The following DLGAP4 variants were observed in gnomAD, a reference collection of about 807,000 sequenced individuals.
DLGAP4 encodes disks large-associated protein 4.
Under a neutral mutation model 86.9 loss-of-function variants are expected in DLGAP4, and 18 were observed. That is an observed-to-expected ratio of 0.21 (90% CI 0.14 to 0.31). The LOEUF (loss-of-function observed/expected upper bound fraction) is 0.31, where lower values mean the gene tolerates loss of function less well. Ranked by LOEUF, DLGAP4 falls within the 10% of genes least tolerant of loss-of-function variation. DLGAP4 has a pLI of 1.00. For synonymous variants in DLGAP4, 548 were observed against 574.3 expected (o/e 0.95, Z 0.65); for missense variants, 1,085 against 1,362.6 (o/e 0.80, Z 3.21).
Position 36,431,864 on chromosome 20 carries a change from G to A in DLGAP4, c.147G>A (p.Gln49=). The A allele has an allele frequency of 6.2e-7, 1 of 1,614,096 alleles. No homozygotes were observed. Among genetic ancestry groups the A allele is most frequent in the Non-Finnish European group, 8.5e-7 (1 of 1,179,986 alleles). ...CCCGCGAGGCCCGCTTCCCCGGGCA[G>A]AACACCCTGCCAGGAGATGGCCTCT... is the stretch of plus-strand genomic sequence containing the variant. ...AFAREARFPG[Q]NTLPGDGLFP... The change falls in exon 3 of 13, where the codon CAG becomes CAA. Residue 49 remains glutamine (Q), a synonymous_variant. Coordinates refer to ENST00000339266, the MANE Select transcript of DLGAP4 (RefSeq NM_001365621.2). This position sits in a 1 kb window ranked among gnomAD's most constrained non-coding sequence, Gnocchi z 5.1.
chr20:36,321,368 G>A (rs1303534927), intron 1 of DLGAP4, among the ~76,000 whole-genome samples: 3 of 152,262 alleles, frequency 2.0e-5, no homozygotes, highest in African/African-American at 7.2e-5. Context: ...CAGGCTGAGG[G>A]CCTCGGCTGC....
At chr20:36,430,824 A>G (rs1158933413) in intron 2 of DLGAP4, among the ~76,000 whole-genome samples, 4 of 151,868 alleles carry the variant, frequency 2.6e-5, no homozygotes, top group Admixed American at 2.0e-4. Flanking sequence ...GTGTGGTGGC[A>G]TGCATCTGTA....
intron 1 of DLGAP4, among the ~76,000 whole-genome samples, chr20:36,319,677 G>A (rs1360040724): frequency 6.6e-6 from 1 of 152,164 alleles, no homozygotes; most frequent in Non-Finnish European, 1.5e-5. Flanking sequence ...GTGGAGCGGG[G>A]ACTGGATCAC....
chr20:36,316,395 T>C (rs1485180700), intron 1 of DLGAP4, among the ~76,000 whole-genome samples: 1 of 152,060 alleles, frequency 6.6e-6, no homozygotes, highest in East Asian at 1.9e-4. Context: ...GTCCTCTGGC[T>C]TTCCTGCCTT....
At chr20:36,512,986 C>T (rs1389058191) in intron 10 of DLGAP4, among the ~76,000 whole-genome samples, 4 of 104,108 alleles carry the variant, frequency 3.8e-5, no homozygotes, top group Admixed American at 2.9e-4. Flanking sequence ...GGGTCTCACT[C>T]TTTCACCCAG....
At chr20:36,409,344 A>AT (rs1379270484) in intron 2 of DLGAP4, among the ~76,000 whole-genome samples, 4 of 148,608 alleles carry the variant, frequency 2.7e-5, no homozygotes, top group East Asian at 2.0e-4. Flanking sequence ...TAAAAGACTT[A>AT]TTTTTTTCAT....
intron 6 of DLGAP4, among the ~76,000 whole-genome samples, chr20:36,445,021 A>G (rs1254742740): frequency 6.6e-6 from 1 of 152,110 alleles, no homozygotes; most frequent in Non-Finnish European, 1.5e-5. Context: ...CAGTGTCACA[A>G]TCATAGTTCA....
intron 2 of DLGAP4, among the ~76,000 whole-genome samples, chr20:36,420,066 A>G (rs1245787634): frequency 6.6e-6 from 1 of 152,194 alleles, no homozygotes; most frequent in Non-Finnish European, 1.5e-5. Context: ...GATCACACAC[A>G]GCTCTCCCCA....
intron 7 of DLGAP4, among the ~76,000 whole-genome samples, chr20:36,471,169 G>A (rs1255328981): frequency 6.6e-6 from 1 of 152,152 alleles, no homozygotes; most frequent in Non-Finnish European, 1.5e-5. Context: ...GCTTAGCAAC[G>A]GTGAAGCCAG....
intron 7 of DLGAP4, among the ~76,000 whole-genome samples, chr20:36,469,822 G>A (rs1029246732): frequency 3.3e-5 from 5 of 151,994 alleles, no homozygotes; most frequent in African/African-American, 1.2e-4. Flanking sequence ...GGTGAGGAAG[G>A]GCATCTCAGC....
At position 36,453,075 on chromosome 20, in the gene DLGAP4, T is replaced by C. The variant is rs528200679; in HGVS notation, c.1648+6138T>C. On this transcript the variant is annotated intron_variant, in intron 7 of 12. Transcript: ENST00000339266. ...CTCAAACTCCTGACCTCAAGTGATATGCCTGCCCTGGCCTCCCAAAGTGCT... is the reference window on the plus strand; with the variant it reads ...CTCAAACTCCTGACCTCAAGTGATACGCCTGCCCTGGCCTCCCAAAGTGCT... Among the ~76,000 whole-genome samples the C allele has an allele frequency of 2.0e-5, 3 of 152,156 alleles. No individual in the cohort carries two copies. In the East Asian group the frequency reaches 5.8e-4, roughly 30 times the overall value.
chr20:36,333,842 T>G (rs1333485967), intron 1 of DLGAP4, among the ~76,000 whole-genome samples: 1 of 152,118 alleles, frequency 6.6e-6, no homozygotes, highest in Non-Finnish European at 1.5e-5. Flanking sequence ...GGTGAAAACA[T>G]AGATAATTTT....
intron 1 of DLGAP4, among the ~76,000 whole-genome samples, chr20:36,361,206 C>G (rs2030507983): frequency 6.6e-6 from 1 of 152,074 alleles, no homozygotes; most frequent in African/African-American, 2.4e-5. Flanking sequence ...AAGAAGCCCC[C>G]AGGGCATGAG....
intron 1 of DLGAP4, among the ~76,000 whole-genome samples, chr20:36,346,952 A>G (rs1463357650): frequency 6.6e-6 from 1 of 152,098 alleles, no homozygotes; most frequent in Non-Finnish European, 1.5e-5. Flanking sequence ...GGTGGTGGAA[A>G]CTTGGGCAGC....
rs1569483584 is a variant in DLGAP4, at chr20:36,393,626, C to T, written c.-73+26351C>T. 6.6e-6 allele frequency among the ~76,000 whole-genome samples: 1 copy of T among 152,092 alleles called. No homozygotes were observed. Among genetic ancestry groups the T allele is most frequent in the African/African-American group, 2.4e-5 (1 of 41,414 alleles). ...GACCCAGGCCAGAGCTTGTCCCAGCCCCAGCCCCTTTAGAGAGCTGAGAAC... is the reference window on the plus strand; with the variant it reads ...GACCCAGGCCAGAGCTTGTCCCAGCTCCAGCCCCTTTAGAGAGCTGAGAAC... On this transcript the variant is annotated intron_variant, in intron 2 of 12. Coordinates refer to ENST00000339266, the MANE Select transcript of DLGAP4 (RefSeq NM_001365621.2). The surrounding 1 kb of genome is among the most constrained non-coding windows in gnomAD (Gnocchi z 4.4).
intron 2 of DLGAP4, among the ~76,000 whole-genome samples, chr20:36,372,428 C>T (rs2030978188): frequency 6.6e-6 from 1 of 152,254 alleles, no homozygotes; most frequent in Non-Finnish European, 1.5e-5. Flanking sequence ...CGCCTCTCTC[C>T]CCACCACCTC....
intron 2 of DLGAP4, among the ~76,000 whole-genome samples, chr20:36,382,262 C>A (rs2031420996): frequency 6.6e-6 from 1 of 152,046 alleles, no homozygotes; most frequent in South Asian, 2.1e-4. Context: ...CTGTCTCTCC[C>A]AGACTGGAAT....
Position 36,307,262 on chromosome 20 carries a change from G to A in DLGAP4, c.-304+750G>A, listed in dbSNP as rs570958999. ...CCGCGGAGACAGGGGTTCGCGTTCA[G>A]AGCTGGTGGCGGATGGACCAGGTGG... On this transcript the variant is annotated intron_variant, in intron 1 of 12. Transcript: ENST00000339266. Among the ~76,000 whole-genome samples the A allele has an allele frequency of 6.4e-4, 98 of 152,350 alleles. 1 individual carries two copies. The highest frequency in any genetic ancestry group is 2.3e-3 in the African/African-American group (94 of 41,592).
At chr20:36,450,565 A>G (rs2033711432) in intron 7 of DLGAP4, among the ~76,000 whole-genome samples, 2 of 152,288 alleles carry the variant, frequency 1.3e-5, no homozygotes, top group South Asian at 4.1e-4. Context: ...GTATTTACTC[A>G]TGCCCTTCCC....
Sources: allele counts gnomAD v4.1 joint callset (sites outside exome capture counted in the v4.1 genomes callset), GRCh38; gene constraint gnomAD v4.1.1; non-coding constraint Gnocchi (gnomAD v3.1); transcripts MANE v1.5; gene names NCBI Gene and HGNC (gene_info 2026-07-23, HGNC 2026-07-21).